UBE2E2: variants seen among roughly 807,000 people sequenced by gnomAD.
UBE2E2 encodes ubiquitin-conjugating enzyme E2 E2.
In UBE2E2, 6 loss-of-function variants were observed where a neutral mutation model predicts 24.7. The ratio of observed to expected loss-of-function variants is 0.24; its 90% CI spans 0.13 to 0.48. The LOEUF (loss-of-function observed/expected upper bound fraction) is 0.48, where lower values mean the gene tolerates loss of function less well. UBE2E2 is among the 20% of genes least tolerant of loss of function. The pLI is 0.99. For synonymous variants in UBE2E2, 104 were observed against 83.6 expected (o/e 1.24, Z -1.33); for missense variants, 169 against 245.0 (o/e 0.69, Z 2.07).
chr3:23,509,751 C>T (rs967713161), intron 4 of UBE2E2, among the ~76,000 whole-genome samples: 4 of 132,846 alleles, frequency 3.0e-5, no homozygotes, highest in Non-Finnish European at 6.4e-5. Flanking sequence ...CAACAGGCCC[C>T]GGTGTGTGAT....
chr3:23,271,275 A>T, intron 3 of UBE2E2: 1 of 307,900 alleles, frequency 3.2e-6, no homozygotes, highest in South Asian at 3.0e-5. Context: ...GTTCCTTCAG[A>T]TGTTCAGATG....
At chr3:23,308,584 G>A (rs1000034086) in intron 3 of UBE2E2, among the ~76,000 whole-genome samples, 1 of 152,104 alleles carries the variant, frequency 6.6e-6, no homozygotes, top group African/African-American at 2.4e-5. Flanking sequence ...TTAAAGACAG[G>A]TATTCTTATT....
intron 3 of UBE2E2, among the ~76,000 whole-genome samples, chr3:23,246,821 C>T (rs894293328): frequency 5.3e-5 from 8 of 152,100 alleles, no homozygotes; most frequent in African/African-American, 1.9e-4. Flanking sequence ...TGGATCATTG[C>T]CTGGCATATA....
chr3:23,303,354 G>A (rs1299212674), intron 3 of UBE2E2, among the ~76,000 whole-genome samples: 2 of 151,916 alleles, frequency 1.3e-5, no homozygotes, highest in African/African-American at 4.8e-5. Context: ...TGAATTATCC[G>A]GAAACCACTC....
intron 3 of UBE2E2, among the ~76,000 whole-genome samples, chr3:23,420,349 C>G (rs538789442): frequency 1.3e-5 from 2 of 152,246 alleles, no homozygotes; most frequent in South Asian, 4.1e-4. Flanking sequence ...AATGAGGGAA[C>G]TGGATCAGAA....
chr3:23,349,129 T>C (rs1695649356), intron 3 of UBE2E2, among the ~76,000 whole-genome samples: 1 of 152,138 alleles, frequency 6.6e-6, no homozygotes, highest in African/African-American at 2.4e-5. Context: ...TCTCTGCAAC[T>C]ACTGGCACAG....
At chr3:23,324,740 T>A (rs1222566057) in intron 3 of UBE2E2, among the ~76,000 whole-genome samples, 2 of 151,864 alleles carry the variant, frequency 1.3e-5, no homozygotes, top group Non-Finnish European at 2.9e-5. Flanking sequence ...ACTTAGGAAA[T>A]GCCTCTTCAG....
Position 23,458,199 on chromosome 3 carries a change from GA to G in UBE2E2, c.228-41408del, listed in dbSNP as rs1378098694. Among the ~76,000 whole-genome samples, 4 of 151,968 alleles carry G rather than the reference GA, an allele frequency of 2.6e-5. No homozygotes were observed. In the East Asian group the frequency reaches 5.8e-4, roughly 22 times the overall value. ...ATTTGAACACTTAGAGGCTATTGTA[GA>G]CCTAATTTCAGTATTGTTGCGTCGC... On this transcript the variant is annotated intron_variant, in intron 3 of 5. Transcript: ENST00000396703.
chr3:23,234,872 A>G (rs1216472205), intron 3 of UBE2E2, among the ~76,000 whole-genome samples: 3 of 152,188 alleles, frequency 2.0e-5, no homozygotes, highest in Admixed American at 1.3e-4. Flanking sequence ...TAGGTTCAAA[A>G]TGGTATTGGG....
intron 3 of UBE2E2, among the ~76,000 whole-genome samples, chr3:23,225,186 A>G (rs188642241): frequency 1.4e-4 from 21 of 151,594 alleles, no homozygotes; most frequent in African/African-American, 5.1e-4. Context: ...TACATTTTGG[A>G]TATAAGTCCT....
chr3:23,420,010 A>G (rs554078640), intron 3 of UBE2E2, among the ~76,000 whole-genome samples: 2 of 152,362 alleles, frequency 1.3e-5, no homozygotes, highest in South Asian at 4.1e-4. Flanking sequence ...AGGCATGTAC[A>G]TACAAGAATA....
At chr3:23,313,314 A>G (rs559547737) in intron 3 of UBE2E2, among the ~76,000 whole-genome samples, 2 of 135,110 alleles carry the variant, frequency 1.5e-5, no homozygotes, top group African/African-American at 5.6e-5. Flanking sequence ...TTTTTTTTCT[A>G]TCCTTTTATT....
chr3:23,352,429 A>G (rs1409053099), intron 3 of UBE2E2, among the ~76,000 whole-genome samples: 1 of 152,228 alleles, frequency 6.6e-6, no homozygotes, highest in Non-Finnish European at 1.5e-5. Context: ...CCTTCAAAAA[A>G]GTAATGAATC....
chr3:23,243,995 C>T (rs1338491015), intron 3 of UBE2E2, among the ~76,000 whole-genome samples: 2 of 151,424 alleles, frequency 1.3e-5, no homozygotes, highest in African/African-American at 4.8e-5. Context: ...ATGATTTTTC[C>T]CTTGTCCAAT....
intron 3 of UBE2E2, among the ~76,000 whole-genome samples, chr3:23,226,025 G>A (rs773354622): frequency 2.6e-5 from 4 of 151,998 alleles, no homozygotes; most frequent in African/African-American, 4.8e-5. Flanking sequence ...AACTACAGGC[G>A]CATGCCACCA....
intron 3 of UBE2E2, among the ~76,000 whole-genome samples, chr3:23,480,544 C>T (rs146798543): frequency 4.3e-4 from 65 of 151,886 alleles, no homozygotes; most frequent in Admixed American, 8.5e-4. Flanking sequence ...GCCCTCGCTG[C>T]GCCTCCCCCA....
intron 5 of UBE2E2, among the ~76,000 whole-genome samples, chr3:23,576,964 T>C (rs1211778092): frequency 6.6e-6 from 1 of 152,020 alleles, no homozygotes; most frequent in East Asian, 1.9e-4. Context: ...CAAGCCCGTG[T>C]CTGTCAGCCC....
Position 23,400,949 on chromosome 3 carries a change from CAAAT to C in UBE2E2, c.228-98652_228-98649del, listed in dbSNP as rs553042428. On this transcript the variant is annotated intron_variant, in intron 3 of 5. Transcript: ENST00000396703. Reference sequence around the variant, plus strand: ...TTTGAAGAGACAGGCTGTAATCAAACAAATAAATAAGAAAATAATCAGATGTGAA... The same window carrying C: ...TTTGAAGAGACAGGCTGTAATCAAACAAATAAGAAAATAATCAGATGTGAA... Among the ~76,000 whole-genome samples the C allele has an allele frequency of 1.7e-4, 26 of 152,170 alleles. No homozygotes were observed. In the South Asian group the frequency reaches 1.9e-3, roughly 11 times the overall value.
chr3:23,318,698 A>G (rs1007556347), intron 3 of UBE2E2, among the ~76,000 whole-genome samples: 22 of 152,174 alleles, frequency 1.4e-4, no homozygotes, highest in African/African-American at 5.1e-4. Context: ...ATTCACTACC[A>G]CGAGAACAGT....
Sources: gnomAD v4.1 joint callset for allele counts (sites outside exome capture counted in the v4.1 genomes callset) on GRCh38, gnomAD v4.1.1 for gene constraint, MANE v1.5 for transcripts, NCBI Gene and HGNC (gene_info 2026-07-23, HGNC 2026-07-21) for gene names.